NEBL: variants seen among roughly 807,000 people sequenced by gnomAD.
NEBL encodes nebulette.
A neutral mutation model predicts 140.2 loss-of-function variants in NEBL; 122 were observed. That is an observed-to-expected ratio of 0.87 (90% CI 0.75 to 1.01). NEBL has a LOEUF of 1.01. Among genes scored for constraint, NEBL ranks in the 50% least tolerant of loss-of-function variants. The pLI is 0.00. For synonymous variants in NEBL, 436 were observed against 398.9 expected (o/e 1.09, Z -1.11); for missense variants, 1,365 against 1,231.3 (o/e 1.11, Z -1.62).
chr10:21,200,720 G>A (rs1317525384), intron 3 of NEBL, among the ~76,000 whole-genome samples: 2 of 152,152 alleles, frequency 1.3e-5, no homozygotes, highest in Admixed American at 6.5e-5. Context: ...GAGCAGAGGC[G>A]AGCTGTGGTC....
In NEBL at chr10:21,162,154, C is replaced by T. The variant is rs142170561; in HGVS notation, c.164+10229G>A. On this transcript the variant is annotated intron_variant, in intron 2 of 6. Coordinates refer to the NEBL transcript ENST00000417816. Reference sequence around the variant, plus strand: ...GGAGATCCCTGGTTGATGATTGCACCAATGTGCCAGGAAGAAAACACATAT... The same window carrying T: ...GGAGATCCCTGGTTGATGATTGCACTAATGTGCCAGGAAGAAAACACATAT... 3.9e-4 allele frequency among the ~76,000 whole-genome samples: 60 copies of T among 152,218 alleles called. No homozygotes were observed. The East Asian group carries it at 0.01, about 25-fold the overall frequency.
At chr10:20,903,931 G>C (rs1847982059) in intron 4 of NEBL, among the ~76,000 whole-genome samples, 1 of 120,266 alleles carries the variant, frequency 8.3e-6, no homozygotes, top group Non-Finnish European at 1.6e-5. Flanking sequence ...CAAGTGACAA[G>C]TGCACTAAAA....
At chr10:20,987,364 C>G (rs985088178) in intron 3 of NEBL, among the ~76,000 whole-genome samples, 1 of 152,132 alleles carries the variant, frequency 6.6e-6, no homozygotes, top group African/African-American at 2.4e-5. Flanking sequence ...CTCCTCCCTG[C>G]TCTTTTGATA....
chr10:20,952,904 C>CAAAAAAAAAAAAAAA (rs34713711), intron 4 of NEBL, among the ~76,000 whole-genome samples: 14 of 62,168 alleles, frequency 2.3e-4, no homozygotes, highest in Admixed American at 6.8e-4. Flanking sequence ...GACCCTGTCT[C>CAAAAAAAAAAAAAAA]AAAAAAAAAA....
At position 21,229,259 on chromosome 10, in the gene NEBL, A is replaced by G. The variant is rs908465924; in HGVS notation, n.348+18662T>C. ...AACATGGCAAAGGCCTACCTCTACT[A>G]AAAATATAAATATTATCCAGGCATG... On this transcript the variant is annotated intron_variant and non_coding_transcript_variant, in intron 3 of 8. Transcript: ENST00000675702. Among the ~76,000 whole-genome samples, 4 of 152,164 alleles carry G rather than the reference A, an allele frequency of 2.6e-5. No homozygotes were observed. The East Asian group carries it at 5.8e-4, about 22-fold the overall frequency.
intron 3 of NEBL, among the ~76,000 whole-genome samples, chr10:21,181,219 G>C (rs562361935): frequency 5.3e-5 from 8 of 151,770 alleles, no homozygotes; most frequent in South Asian, 4.2e-4. Flanking sequence ...GCCAAGATCG[G>C]GCCATTGCAT....
intron 2 of NEBL, among the ~76,000 whole-genome samples, chr10:21,093,148 G>GTTTTTTTTTTTTTTT (rs1209770427): frequency 3.7e-4 from 8 of 21,754 alleles, no homozygotes; most frequent in African/African-American, 2.0e-3. Context: ...TTAGCAACAA[G>GTTTTTTTTTTTTTTT]TCTTTTTTTT....
At chr10:21,191,703 A>G (rs1841577265) in intron 3 of NEBL, among the ~76,000 whole-genome samples, 1 of 152,264 alleles carries the variant, frequency 6.6e-6, no homozygotes, top group Non-Finnish European at 1.5e-5. Flanking sequence ...TAGGTACATT[A>G]TAACAATATT....
chr10:21,072,940 G>A (rs981436654), intron 2 of NEBL, among the ~76,000 whole-genome samples: 2 of 151,898 alleles, frequency 1.3e-5, no homozygotes, highest in African/African-American at 4.8e-5. Context: ...GCAGTGAGTC[G>A]AGATCATGCC....
At chr10:21,051,078 G>T (rs1834757198) in intron 2 of NEBL, among the ~76,000 whole-genome samples, 1 of 152,008 alleles carries the variant, frequency 6.6e-6, no homozygotes, top group African/African-American at 2.4e-5. Context: ...AACCCAGCCA[G>T]GATGAAAAAA....
chr10:21,248,026 A>G, intron 2 of NEBL: 1 of 230,498 alleles, frequency 4.3e-6, no homozygotes, highest in East Asian at 1.1e-4. Flanking sequence ...AAAAAAAAAA[A>G]CCATCCCAAG....
intron 3 of NEBL, among the ~76,000 whole-genome samples, chr10:20,992,055 G>A (rs80333144): frequency 2.0e-5 from 3 of 152,018 alleles, no homozygotes; most frequent in Non-Finnish European, 2.9e-5. Flanking sequence ...TTTGCCATTG[G>A]GAATGGTGCT....
At chr10:21,269,956 G>A (rs1842842724) in intron 1 of NEBL, among the ~76,000 whole-genome samples, 1 of 152,176 alleles carries the variant, frequency 6.6e-6, no homozygotes, top group Non-Finnish European at 1.5e-5. Context: ...GAAATTTGAG[G>A]AGTTCTTTGT....
chr10:21,087,461 G>C (rs969622435), intron 2 of NEBL, among the ~76,000 whole-genome samples: 9 of 152,042 alleles, frequency 5.9e-5, no homozygotes, highest in Non-Finnish European at 1.2e-4. Flanking sequence ...ATCCCAAAAA[G>C]TCTCTGTCTC....
intron 7 of NEBL, among the ~76,000 whole-genome samples, chr10:20,864,984 C>T (rs1289680726): frequency 6.6e-6 from 1 of 152,112 alleles, no homozygotes; most frequent in Non-Finnish European, 1.5e-5. Flanking sequence ...TCTGATCACT[C>T]AGTTGCTAAA....
At chr10:20,946,002 A>C (rs1231093131) in intron 4 of NEBL, among the ~76,000 whole-genome samples, 2 of 152,188 alleles carry the variant, frequency 1.3e-5, no homozygotes, top group African/African-American at 4.8e-5. Flanking sequence ...AAATAAGTGA[A>C]ATAACAAACA....
chr10:21,134,998 C>T (rs900347524), intron 2 of NEBL, among the ~76,000 whole-genome samples: 25 of 152,148 alleles, frequency 1.6e-4, no homozygotes, highest in African/African-American at 5.8e-4. Flanking sequence ...TTATTCAGCT[C>T]GATTATTCAC....
chr10:20,946,986 T>C (rs1420882677), intron 4 of NEBL, among the ~76,000 whole-genome samples: 1 of 152,116 alleles, frequency 6.6e-6, no homozygotes, highest in Non-Finnish European at 1.5e-5. Flanking sequence ...CTCCAAAGAA[T>C]TTGGTAGTGA....
intron 3 of NEBL, among the ~76,000 whole-genome samples, chr10:21,191,053 T>C (rs1396563218): frequency 6.6e-6 from 1 of 152,202 alleles, no homozygotes; most frequent in Non-Finnish European, 1.5e-5. Context: ...GTATTTTTTA[T>C]TGATGGAGGA....
Sources: gnomAD v4.1 joint callset for allele counts (sites outside exome capture counted in the v4.1 genomes callset) on GRCh38, gnomAD v4.1.1 for gene constraint, MANE v1.5 for transcripts, NCBI Gene and HGNC (gene_info 2026-07-23, HGNC 2026-07-21) for gene names.